The following CSMD1 variants were observed in gnomAD, a reference collection of about 807,000 sequenced individuals.
CSMD1 encodes the protein CUB and sushi domain-containing protein 1.
CSMD1 carries 213 observed loss-of-function variants against 417.5 expected under a neutral mutation model. The ratio of observed to expected loss-of-function variants is 0.51; its 90% CI spans 0.46 to 0.57. CSMD1 has a LOEUF of 0.57. Ranked by LOEUF, CSMD1 falls within the 20% of genes least tolerant of loss-of-function variation. CSMD1 has a pLI of 0.00. For synonymous variants in CSMD1, 2,862 were observed against 1,736.8 expected (o/e 1.65, Z -16.11); for missense variants, 6,923 against 4,529.7 (o/e 1.53, Z -15.17).
At chr8:3,487,586 A>G (rs1017832168) in intron 11 of CSMD1, among the ~76,000 whole-genome samples, 1 of 152,200 alleles carries the variant, frequency 6.6e-6, no homozygotes, top group Admixed American at 6.5e-5. Context: ...TACATCCACC[A>G]AAGTATCGGG....
At chr8:4,714,215 C>T (rs1269944226) in intron 1 of CSMD1, among the ~76,000 whole-genome samples, 2 of 152,144 alleles carry the variant, frequency 1.3e-5, no homozygotes, top group East Asian at 3.9e-4. Flanking sequence ...CGTGTTGACG[C>T]CTCCTCTGTC....
intron 3 of CSMD1, among the ~76,000 whole-genome samples, chr8:4,271,784 T>C (rs566867715): frequency 6.6e-5 from 10 of 152,172 alleles, no homozygotes; most frequent in Non-Finnish European, 1.2e-4. Context: ...GCTTCCACAT[T>C]ATGAATTACT....
At chr8:3,407,532 T>C (rs1438780586) in intron 14 of CSMD1, among the ~76,000 whole-genome samples, 2 of 151,170 alleles carry the variant, frequency 1.3e-5, no homozygotes, top group South Asian at 2.1e-4. Context: ...GATGGACAGA[T>C]GGATGGATGA....
At chr8:4,665,412 A>ACATAACCATGAGTAACC (rs1284267265) in intron 1 of CSMD1, among the ~76,000 whole-genome samples, 6 of 152,232 alleles carry the variant, frequency 3.9e-5, no homozygotes, top group Non-Finnish European at 8.8e-5. Flanking sequence ...GTTATGTCAC[A>ACATAACCATGAGTAACC]CATAACCATG....
chr8:4,643,753 T>A (rs1484953329), intron 1 of CSMD1, among the ~76,000 whole-genome samples: 1 of 152,196 alleles, frequency 6.6e-6, no homozygotes, highest in Non-Finnish European at 1.5e-5. Context: ...TTCTACAGTT[T>A]CAGGGGTTAT....
At chr8:4,035,287 T>A (rs1797558444) in intron 3 of CSMD1, among the ~76,000 whole-genome samples, 1 of 152,166 alleles carries the variant, frequency 6.6e-6, no homozygotes, top group Non-Finnish European at 1.5e-5. Context: ...CACATACAAT[T>A]AGGTTCACTG....
chr8:4,276,957 C>G (rs1193218149), intron 3 of CSMD1, among the ~76,000 whole-genome samples: 1 of 151,970 alleles, frequency 6.6e-6, no homozygotes, highest in Non-Finnish European at 1.5e-5. Context: ...CGTATACCAA[C>G]AAATGAAAAC....
At chr8:4,054,922 C>A (rs572875418) in intron 3 of CSMD1, among the ~76,000 whole-genome samples, 1 of 152,108 alleles carries the variant, frequency 6.6e-6, no homozygotes, top group Admixed American at 6.6e-5. Flanking sequence ...TGGGGTTTCT[C>A]TTTTAAATCA....
At chr8:3,282,960 G>A (rs1430517393) in intron 26 of CSMD1, among the ~76,000 whole-genome samples, 3 of 152,114 alleles carry the variant, frequency 2.0e-5, no homozygotes, top group South Asian at 2.1e-4. Context: ...CAATAATATG[G>A]CATCTCTCCA....
At position 3,859,148 on chromosome 8, in the gene CSMD1, G is replaced by C. The variant is rs180957598; in HGVS notation, c.819-105106C>G. ...ATTCAACCTATCTCTACTCCACACA[G>C]GCATAGCACTGTGCCAGACACACAA... On this transcript the variant is annotated intron_variant, in intron 5 of 69. Coordinates refer to ENST00000635120, the MANE Select transcript of CSMD1 (RefSeq NM_033225.6). Among the ~76,000 whole-genome samples, 124 of 152,256 alleles carry C rather than the reference G, an allele frequency of 8.1e-4. 1 individual carries two copies. The highest frequency in any genetic ancestry group is 3.6e-3 in the Admixed American group (55 of 15,300).
At chr8:4,143,968 A>C (rs1370229800) in intron 3 of CSMD1, among the ~76,000 whole-genome samples, 1 of 151,364 alleles carries the variant, frequency 6.6e-6, no homozygotes, top group Non-Finnish European at 1.5e-5. Context: ...CCCATAGCCA[A>C]TCCAAGGCAC....
intron 3 of CSMD1, among the ~76,000 whole-genome samples, chr8:4,246,001 C>A (rs756076005): frequency 6.6e-6 from 1 of 152,036 alleles, no homozygotes; most frequent in African/African-American, 2.4e-5. Context: ...GAACATGCAA[C>A]CTAGGTCAGT....
intron 2 of CSMD1, among the ~76,000 whole-genome samples, chr8:4,465,758 A>T (rs907745896): frequency 5.3e-5 from 8 of 151,370 alleles, no homozygotes; most frequent in South Asian, 2.1e-4. Flanking sequence ...TAGGTCATCT[A>T]TTATTTTCTC....
At chr8:4,189,395 T>G (rs1178880612) in intron 3 of CSMD1, among the ~76,000 whole-genome samples, 1 of 152,206 alleles carries the variant, frequency 6.6e-6, no homozygotes, top group African/African-American at 2.4e-5. Flanking sequence ...TAACTCTACC[T>G]AAAAGTTTGC....
chr8:4,161,144 A>C (rs1437772603), intron 3 of CSMD1, among the ~76,000 whole-genome samples: 1 of 152,100 alleles, frequency 6.6e-6, no homozygotes, highest in Non-Finnish European at 1.5e-5. Context: ...GTCATGTCTT[A>C]AGACATGATA....
chr8:4,256,508 G>C (rs912372793), intron 3 of CSMD1, among the ~76,000 whole-genome samples: 1 of 152,262 alleles, frequency 6.6e-6, no homozygotes, highest in African/African-American at 2.4e-5. Context: ...AGTGTATAAA[G>C]AAATAAACAG....
chr8:3,672,762 G>A (rs904799378), intron 7 of CSMD1, among the ~76,000 whole-genome samples: 4 of 152,150 alleles, frequency 2.6e-5, no homozygotes, highest in African/African-American at 7.2e-5. Context: ...ATGGAAGAAG[G>A]CTGCATATCA....
At chr8:3,470,402 TAA>T (rs1250639487) in intron 11 of CSMD1, among the ~76,000 whole-genome samples, 1 of 152,176 alleles carries the variant, frequency 6.6e-6, no homozygotes, top group Non-Finnish European at 1.5e-5. Context: ...CAAAATAATA[TAA>T]AGAGATTACA....
intron 5 of CSMD1, among the ~76,000 whole-genome samples, chr8:3,973,677 C>A (rs1307634917): frequency 6.6e-6 from 1 of 152,160 alleles, no homozygotes; most frequent in Non-Finnish European, 1.5e-5. Flanking sequence ...ATCCTTGGTA[C>A]TGGCAACAGA....
Sources: gnomAD v4.1 joint callset for allele counts (sites outside exome capture counted in the v4.1 genomes callset) on GRCh38, gnomAD v4.1.1 for gene constraint, MANE v1.5 for transcripts, NCBI Gene and HGNC (gene_info 2026-07-23, HGNC 2026-07-21) for gene names.